Variants in CEP128 observed in about 807,000 individuals in gnomAD.
CEP128 encodes the protein centrosomal protein 128kDa.
Under a neutral mutation model 156.7 loss-of-function variants are expected in CEP128, and 132 were observed. The observed-to-expected ratio is 0.84, with a 90% confidence interval of 0.73 to 0.97. The LOEUF (loss-of-function observed/expected upper bound fraction) is 0.97, where lower values mean the gene tolerates loss of function less well. Among genes scored for constraint, CEP128 ranks in the 50% least tolerant of loss-of-function variants. The pLI is 0.00. For missense variants in CEP128, 1,252 were observed against 1,281.9 expected (o/e 0.98, Z 0.36); for synonymous variants, 469 against 448.9 (o/e 1.04, Z -0.57).
chr14:80,630,218 T>C (rs1241996904), intron 19 of CEP128, among the ~76,000 whole-genome samples: 8 of 151,984 alleles, frequency 5.3e-5, no homozygotes, highest in Non-Finnish European at 8.8e-5. Context: ...CTAAGGTGGA[T>C]ACTTCTCTTA....
chr14:80,678,049 A>AAAATATATATAT lies in CEP128; in HGVS notation c.2806+65025_2806+65026insATATATATATTT. Among the ~76,000 whole-genome samples, 220 of 98,480 alleles carry AAAATATATATAT rather than the reference A, an allele frequency of 2.2e-3. 8 individuals are homozygous for AAAATATATATAT. Among genetic ancestry groups the AAAATATATATAT allele is most frequent in the African/African-American group, 6.1e-3 (195 of 31,746 alleles). The allele number at this position is 98,480 out of a possible 152,430, so 64.6% of individuals were successfully genotyped here. A position where few individuals can be genotyped will look rare whatever the true frequency, so the allele number is the denominator to read the frequency against. ...ATGGACAGTTGCTCTATAAAAAAAA[A>AAAATATATATAT]ATATATATATATATGTATATATATA... On this transcript the variant is annotated intron_variant, in intron 19 of 24. Coordinates refer to ENST00000555265, the MANE Select transcript of CEP128 (RefSeq NM_152446.5).
chr14:80,888,530 C>T (rs1411106994), intron 8 of CEP128, among the ~76,000 whole-genome samples: 2 of 152,102 alleles, frequency 1.3e-5, no homozygotes, highest in Non-Finnish European at 2.9e-5. Context: ...TGACAAAAAC[C>T]ACATGATTAT....
chr14:80,893,039 T>A (rs752645650), intron 8 of CEP128, among the ~76,000 whole-genome samples: 9 of 151,952 alleles, frequency 5.9e-5, no homozygotes, highest in Non-Finnish European at 8.8e-5. Flanking sequence ...GTTCATTGCA[T>A]CATTACTCAC....
Position 80,895,844 on chromosome 14 carries a change from G to A in CEP128, c.573-54C>T, listed in dbSNP as rs576903651. 74 of 1,198,474 alleles carry A rather than the reference G, an allele frequency of 6.2e-5. No homozygotes were observed. In the South Asian group the frequency reaches 1.1e-3, roughly 17 times the overall value. The allele number at this position is 1,198,474 out of a possible 1,614,324, so 74.2% of individuals were successfully genotyped here. ...AATTTGGATATTTAGAAAATACACA[G>A]AACGAGTGAAATGTATAACATGATA... On this transcript the variant is annotated intron_variant, in intron 7 of 24. Coordinates refer to ENST00000555265, the MANE Select transcript of CEP128 (RefSeq NM_152446.5).
At chr14:80,868,482 A>G (rs1887877605) in intron 8 of CEP128, among the ~76,000 whole-genome samples, 1 of 152,150 alleles carries the variant, frequency 6.6e-6, no homozygotes, top group Non-Finnish European at 1.5e-5. Flanking sequence ...TGGTAACCAC[A>G]AAGAAAAAAA....
chr14:80,651,857 T>A (rs756996136), intron 19 of CEP128, among the ~76,000 whole-genome samples: 34 of 152,130 alleles, frequency 2.2e-4, no homozygotes, highest in Non-Finnish European at 4.6e-4. Flanking sequence ...AGTTTTAGAA[T>A]AGGTGCAGTG....
chr14:80,595,284 A>G lies in CEP128; in HGVS notation c.2807-14861T>C, dbSNP rs538086132. 1.4e-4 allele frequency among the ~76,000 whole-genome samples: 21 copies of G among 152,290 alleles called. 1 individual carries two copies. In the South Asian group the frequency reaches 4.4e-3, roughly 32 times the overall value. On this transcript the variant is annotated intron_variant, in intron 19 of 24. Coordinates refer to ENST00000555265, the MANE Select transcript of CEP128 (RefSeq NM_152446.5). Reference sequence around the variant, plus strand: ...GGAGTTGAACAATGAGAACACATGGACACAGAGAGGGGAACATCACATACT... The same window carrying G: ...GGAGTTGAACAATGAGAACACATGGGCACAGAGAGGGGAACATCACATACT...
At chr14:80,892,840 CT>C (rs1162437899) in intron 8 of CEP128, among the ~76,000 whole-genome samples, 1 of 151,914 alleles carries the variant, frequency 6.6e-6, no homozygotes, top group Non-Finnish European at 1.5e-5. Flanking sequence ...ATCAAAACCA[CT>C]ATGAGATACC....
intron 19 of CEP128, among the ~76,000 whole-genome samples, chr14:80,684,813 A>G (rs1373699468): frequency 6.6e-6 from 1 of 152,122 alleles, no homozygotes; most frequent in Non-Finnish European, 1.5e-5. Context: ...AAATCAGTAA[A>G]TGTTATTCAC....
chr14:80,860,742 A>G (rs1887474641), intron 9 of CEP128, among the ~76,000 whole-genome samples: 1 of 152,172 alleles, frequency 6.6e-6, no homozygotes, highest in South Asian at 2.1e-4. Context: ...ATGGAATTTC[A>G]GAAAACAAAA....
chr14:80,812,230 T>C (rs1219312903), intron 13 of CEP128, among the ~76,000 whole-genome samples: 2 of 152,354 alleles, frequency 1.3e-5, no homozygotes, highest in Admixed American at 6.5e-5. Flanking sequence ...GCAAAGGACA[T>C]GATTTCATTA....
chr14:80,523,397 T>G (rs926294590), intron 23 of CEP128, among the ~76,000 whole-genome samples: 2 of 152,234 alleles, frequency 1.3e-5, no homozygotes, highest in Non-Finnish European at 2.9e-5. Context: ...GCCACTTTTT[T>G]GGGGCCACCT....
At chr14:80,900,551 T>C (rs1422184089) in intron 6 of CEP128, among the ~76,000 whole-genome samples, 2 of 152,216 alleles carry the variant, frequency 1.3e-5, no homozygotes, top group Admixed American at 1.3e-4. Flanking sequence ...CAGAAACTCT[T>C]CCTCATGTAC....
chr14:80,616,615 A>T (rs1893224884), intron 19 of CEP128, among the ~76,000 whole-genome samples: 1 of 152,238 alleles, frequency 6.6e-6, no homozygotes, highest in South Asian at 2.1e-4. Context: ...TTAAGACGCA[A>T]ATAGCAGAAG....
chr14:80,742,949 CAAGAA>C (rs1898907348), intron 19 of CEP128, 121 bp downstream of exon 19: 4 of 774,676 alleles, frequency 5.2e-6, no homozygotes, highest in Non-Finnish European at 8.3e-6. Flanking sequence ...AAGACAAAGA[CAAGAA>C]AAGGAGATGG....
intron 19 of CEP128, among the ~76,000 whole-genome samples, chr14:80,603,274 A>G (rs1467714556): frequency 6.6e-6 from 1 of 152,204 alleles, no homozygotes; most frequent in Non-Finnish European, 1.5e-5. Flanking sequence ...GTATCATTTT[A>G]TTATATGAAA....
At chr14:80,778,412 A>G (rs1183498300) in intron 15 of CEP128, among the ~76,000 whole-genome samples, 1 of 152,202 alleles carries the variant, frequency 6.6e-6, no homozygotes, top group Admixed American at 6.5e-5. Flanking sequence ...TAAGAGGGGA[A>G]GGAGTTATTA....
rs201932847 is a variant in CEP128 at position 80,673,671 on chromosome 14, AT to A, written c.2806+69403del. On this transcript the variant is annotated intron_variant, in intron 19 of 24. Transcript: ENST00000555265. ...AAAAAAAAAAAAAAAAAAAAAAAAA[AT>A]GTACTAAAGCAAAGGGATCTCACAT... is the stretch of plus-strand genomic sequence containing the variant. Among the ~76,000 whole-genome samples, 32 of 146,000 alleles carry A rather than the reference AT, an allele frequency of 2.2e-4. 1 individual carries two copies. Among genetic ancestry groups the A allele is most frequent in the African/African-American group, 8.2e-4 (32 of 39,228 alleles).
In CEP128 at chr14:80,516,348, A is replaced by C. The variant is rs117146399; in HGVS notation, c.3072+10521T>G. Among the ~76,000 whole-genome samples, 1,331 of 152,248 alleles carry C rather than the reference A, an allele frequency of 8.7e-3. 9 individuals carry two copies. Among genetic ancestry groups the C allele is most frequent in the South Asian group, 0.037 (178 of 4,812 alleles). ...TAAGCTGGTATCCAAGTTGCAAAAC[A>C]AAGTCCTCTTTACTCTCCTCCTTTC... On this transcript the variant is annotated intron_variant, in intron 23 of 24. Coordinates refer to ENST00000555265, the MANE Select transcript of CEP128 (RefSeq NM_152446.5).
Sources: gnomAD v4.1 joint callset for allele counts (sites outside exome capture counted in the v4.1 genomes callset) on GRCh38, gnomAD v4.1.1 for gene constraint, MANE v1.5 for transcripts, NCBI Gene and HGNC (gene_info 2026-07-23, HGNC 2026-07-21) for gene names.